The following STXBP5L variants were observed in gnomAD, a reference collection of about 807,000 sequenced individuals.
STXBP5L encodes the protein syntaxin-binding protein 5-like.
STXBP5L carries 65 observed loss-of-function variants against 144.5 expected under a neutral mutation model. The ratio of observed to expected loss-of-function variants is 0.45; its 90% CI spans 0.37 to 0.55. The LOEUF is 0.55. Ranked by LOEUF, STXBP5L falls within the 20% of genes least tolerant of loss-of-function variation. The pLI is 0.00. For missense variants in STXBP5L, 1,298 were observed against 1,405.5 expected, an observed-to-expected ratio of 0.92 and a Z score of 1.22; for synonymous variants, 505 against 469.6, an observed-to-expected ratio of 1.08 and a Z score of -0.97.
intron 9 of STXBP5L, among the ~76,000 whole-genome samples, chr3:121,195,263 C>G (rs1044141617): frequency 6.6e-6 from 1 of 152,084 alleles, no homozygotes; most frequent in African/African-American, 2.4e-5. Flanking sequence ...CTCTTCTTGT[C>G]TTGGTCAACC....
intron 5 of STXBP5L, among the ~76,000 whole-genome samples, chr3:121,103,523 C>T (rs1432172045): frequency 6.6e-6 from 1 of 152,026 alleles, no homozygotes; most frequent in Admixed American, 6.6e-5. Context: ...AAAATAGACA[C>T]TAGAGACTAC....
intron 3 of STXBP5L, among the ~76,000 whole-genome samples, chr3:120,971,738 GTATA>G (rs758149686): frequency 2.0e-5 from 3 of 149,248 alleles, no homozygotes; most frequent in South Asian, 2.1e-4. Context: ...ATATATGTGT[GTATA>G]TATATATCAC....
chr3:121,044,562 T>C (rs564521729), intron 4 of STXBP5L, among the ~76,000 whole-genome samples: 2 of 152,170 alleles, frequency 1.3e-5, no homozygotes, highest in Non-Finnish European at 2.9e-5. Context: ...GAAAGATCAC[T>C]CTTAGAGAAC....
chr3:121,199,930 T>G (rs1480171936), intron 9 of STXBP5L, among the ~76,000 whole-genome samples: 1 of 152,188 alleles, frequency 6.6e-6, no homozygotes, highest in Non-Finnish European at 1.5e-5. Flanking sequence ...TCAGGGATAT[T>G]GGCCTGAAAT....
At chr3:121,065,027 G>T (rs1363452134) in intron 5 of STXBP5L, among the ~76,000 whole-genome samples, 1 of 151,406 alleles carries the variant, frequency 6.6e-6, no homozygotes, top group Non-Finnish European at 1.5e-5. Context: ...ATTCTTTTAG[G>T]ATTATTGCCT....
intron 9 of STXBP5L, among the ~76,000 whole-genome samples, chr3:121,160,896 C>T (rs564542692): frequency 6.6e-6 from 1 of 152,028 alleles, no homozygotes. Flanking sequence ...TTACAATATA[C>T]TTCCTTAACT....
chr3:121,064,770 G>A (rs1576832259), intron 5 of STXBP5L, among the ~76,000 whole-genome samples: 2 of 152,110 alleles, frequency 1.3e-5, no homozygotes, highest in African/African-American at 2.4e-5. Flanking sequence ...GAGGATGCAT[G>A]GGCATGTTTA....
At chr3:121,395,707 A>G (rs759417881) in intron 22 of STXBP5L, among the ~76,000 whole-genome samples, 2 of 152,234 alleles carry the variant, frequency 1.3e-5, no homozygotes, top group East Asian at 3.8e-4. Flanking sequence ...TGTTGAAGGA[A>G]TACTCACAGC....
At chr3:121,165,939 G>A (rs1302407653) in intron 9 of STXBP5L, among the ~76,000 whole-genome samples, 7 of 145,906 alleles carry the variant, frequency 4.8e-5, no homozygotes, top group South Asian at 4.5e-4. Context: ...AAAAGTTACC[G>A]CTATTTTCTC....
At chr3:120,926,356 C>CTTTTTTTTTTTTTT (rs35029446) in intron 2 of STXBP5L, among the ~76,000 whole-genome samples, 2 of 139,738 alleles carry the variant, frequency 1.4e-5, no homozygotes, top group Non-Finnish European at 3.1e-5. Flanking sequence ...GATGGCAGTT[C>CTTTTTTTTTTTTTT]TTTTTTTTTT....
At chr3:121,070,059 G>A (rs1428000783) in intron 5 of STXBP5L, among the ~76,000 whole-genome samples, 3 of 152,196 alleles carry the variant, frequency 2.0e-5, no homozygotes, top group Non-Finnish European at 4.4e-5. Flanking sequence ...TTAACCTGTT[G>A]TGGGAAAATC....
intron 3 of STXBP5L, among the ~76,000 whole-genome samples, chr3:120,981,543 A>G (rs1941775731): frequency 6.6e-6 from 1 of 152,240 alleles, no homozygotes; most frequent in East Asian, 1.9e-4. Context: ...TCTTTTTTAA[A>G]AAATAATTAT....
At chr3:121,068,285 C>T (rs755879272) in intron 5 of STXBP5L, among the ~76,000 whole-genome samples, 8 of 152,228 alleles carry the variant, frequency 5.3e-5, no homozygotes, top group African/African-American at 9.6e-5. Context: ...GGATTACAGG[C>T]GTGAGCCAAT....
At chr3:120,929,436 T>C (rs940874377) in intron 2 of STXBP5L, among the ~76,000 whole-genome samples, 1 of 152,214 alleles carries the variant, frequency 6.6e-6, no homozygotes, top group Admixed American at 6.5e-5. Context: ...TTTTTTTCAC[T>C]TAACATTAGA....
At chr3:121,082,064 T>C (rs61645503) in intron 5 of STXBP5L, among the ~76,000 whole-genome samples, 2,993 of 152,290 alleles carry the variant, frequency 0.02, 97 homozygotes, top group African/African-American at 0.069. Context: ...TCTTCCAACT[T>C]TATTCTTTTT....
chr3:120,929,347 G>A (rs1446040375), intron 2 of STXBP5L, among the ~76,000 whole-genome samples: 1 of 152,046 alleles, frequency 6.6e-6, no homozygotes, highest in African/African-American at 2.4e-5. Flanking sequence ...TTTAGTAATT[G>A]TATATTATAT....
intron 20 of STXBP5L, among the ~76,000 whole-genome samples, chr3:121,369,391 A>G (rs2045961774): frequency 6.8e-6 from 1 of 147,592 alleles, no homozygotes; most frequent in South Asian, 2.1e-4. Context: ...CTCTTTTTTC[A>G]GGTATTGTTT....
intron 3 of STXBP5L, among the ~76,000 whole-genome samples, chr3:121,016,936 G>T (rs1945187142): frequency 6.6e-6 from 1 of 152,084 alleles, no homozygotes; most frequent in African/African-American, 2.4e-5. Flanking sequence ...GTTCATCCCT[G>T]GAGGATTAGC....
intron 20 of STXBP5L, among the ~76,000 whole-genome samples, chr3:121,349,654 A>G (rs565530957): frequency 6.6e-6 from 1 of 152,200 alleles, no homozygotes; most frequent in South Asian, 2.1e-4. Flanking sequence ...TATTGGGGGC[A>G]TATATATTTA....
Sources: allele counts gnomAD v4.1 joint callset (sites outside exome capture counted in the v4.1 genomes callset), GRCh38; gene constraint gnomAD v4.1.1; transcripts MANE v1.5; gene names NCBI Gene and HGNC (gene_info 2026-07-23, HGNC 2026-07-21).